APOOL: variants seen among roughly 807,000 people sequenced by gnomAD.
The protein encoded by APOOL is MICOS complex subunit MIC27.
In APOOL, 12 loss-of-function variants were observed where a neutral mutation model predicts 23.1. That is an observed-to-expected ratio of 0.52 (90% CI 0.33 to 0.84). APOOL has a LOEUF of 0.84. Ranked by LOEUF, APOOL falls within the 40% of genes least tolerant of loss-of-function variation. The probability of loss-of-function intolerance (pLI) is 0.02; values close to 1 mark genes in which losing one functional copy is unlikely to be tolerated. For missense variants in APOOL, 212 were observed against 199.6 expected, an observed-to-expected ratio of 1.06 and a Z score of -0.37; for synonymous variants, 77 against 69.9, an observed-to-expected ratio of 1.10 and a Z score of -0.51.
intron 1 of APOOL, among the ~76,000 whole-genome samples, chrX:85,029,586 A>G (rs1921962872): frequency 8.9e-6 from 1 of 111,759 alleles, no homozygotes; most frequent in Admixed American, 9.5e-5. Context: ...TTCTCGTCAC[A>G]GTGAACATCA....
intron 5 of APOOL, among the ~76,000 whole-genome samples, chrX:85,059,634 A>G (rs1251459961): frequency 1.8e-5 from 2 of 109,626 alleles, no homozygotes; most frequent in African/African-American, 3.3e-5. Context: ...GCCAGTGATG[A>G]TGAGCATTTT....
rs750640452 is a variant in APOOL at position 85,074,018 on chromosome X, T to C, written c.507T>C (p.Tyr169=). Residue 169 remains tyrosine (Y), a synonymous_variant, in exon 7 of 9, where the codon TAT becomes TAC. Transcript: ENST00000373173. ...IIAKVTAKKV[Y]ATSQQIFGAV... ...ATTAGGTAACAGCAAAAAAGGTATA[T>C]GCTACAAGCCAGCAAATTTTTGGAG... The C allele has an allele frequency of 1.2e-4, 141 of 1,163,083 alleles. No individual in the cohort carries two copies. The South Asian group carries it at 2.6e-3, about 22-fold the overall frequency.
intron 1 of APOOL, among the ~76,000 whole-genome samples, chrX:85,016,662 C>T (rs368049717): frequency 9.9e-4 from 110 of 110,875 alleles, no homozygotes; most frequent in African/African-American, 3.6e-3. Context: ...AGTGGAGTGC[C>T]GGGGGGTACA....
In APOOL at chrX:85,054,367, T is replaced by C. The variant is rs1183735415; in HGVS notation, c.264T>C (p.Asn88=). ...WCKGVYVFVK[N]GIMDTVQFGK... is the part of the protein sequence containing the mutation. ...AGGGTGTTTATGTCTTTGTGAAAAATGGGATAATGGATACAGTACAATTTG... is the reference window on the plus strand; with the variant it reads ...AGGGTGTTTATGTCTTTGTGAAAAACGGGATAATGGATACAGTACAATTTG... The change falls in exon 4 of 9, where the codon AAT becomes AAC. Residue 88 remains asparagine (N), a synonymous_variant. Coordinates refer to ENST00000373173, the MANE Select transcript of APOOL (RefSeq NM_198450.6). 3 of 1,190,013 alleles carry C rather than the reference T, an allele frequency of 2.5e-6. No homozygotes were observed. Among genetic ancestry groups the C allele is most frequent in the Non-Finnish European group, 3.4e-6 (3 of 884,436 alleles).
intron 5 of APOOL, among the ~76,000 whole-genome samples, chrX:85,059,034 C>T: frequency 1.3e-5 from 1 of 75,906 alleles, no homozygotes; most frequent in South Asian, 1.1e-3. Context: ...CCCCGCCCCC[C>T]ACCCCACAAC....
intron 5 of APOOL, among the ~76,000 whole-genome samples, chrX:85,059,887 T>G (rs2147652528): frequency 9.1e-6 from 1 of 110,102 alleles, no homozygotes. Flanking sequence ...TTTAATTAGA[T>G]CCCATTTGTC....
At chrX:85,037,252 C>T (rs1922246276) in intron 1 of APOOL, among the ~76,000 whole-genome samples, 1 of 111,713 alleles carries the variant, frequency 9.0e-6, no homozygotes, top group Non-Finnish European at 1.9e-5. Context: ...ACCCAAATCT[C>T]ATCTTGAATT....
At chrX:85,036,037 G>A (rs1190062225) in intron 1 of APOOL, among the ~76,000 whole-genome samples, 1 of 112,236 alleles carries the variant, frequency 8.9e-6, no homozygotes, top group East Asian at 2.8e-4. Context: ...AGTTTGATAG[G>A]AATAACTTGA....
chrX:85,033,232 A>G (rs772100817), intron 1 of APOOL, among the ~76,000 whole-genome samples: 19 of 112,041 alleles, frequency 1.7e-4, no homozygotes, highest in African/African-American at 6.2e-4. Flanking sequence ...CTTGTATCCA[A>G]ATACTTTCTG....
Position 85,074,141 on chromosome X carries a change from C to T in APOOL, c.600+30C>T, listed in dbSNP as rs755703459. 8.7e-6 allele frequency: 10 copies of T among 1,147,940 alleles called. No individual in the cohort carries two copies. The African/African-American group carries it at 1.8e-4, about 21-fold the overall frequency. The allele number at this position is 1,147,940 out of a possible 1,213,427, so 94.6% of individuals were successfully genotyped here. On this transcript the variant is annotated intron_variant, in intron 7 of 8. Transcript: ENST00000373173. Reference sequence around the variant, plus strand: ...AGTTTACATGGAGCAAGACGGTCAACATTGAGTTTTGTTTGGGTGGGTGTT... The same window carrying T: ...AGTTTACATGGAGCAAGACGGTCAATATTGAGTTTTGTTTGGGTGGGTGTT...
intron 5 of APOOL, 128 bp downstream of exon 5, chrX:85,056,053 T>A (rs753932303): frequency 7.9e-5 from 35 of 440,700 alleles, no homozygotes; most frequent in Middle Eastern, 8.5e-4. Context: ...ATTTTTAGAT[T>A]CTGTATTACA....
At chrX:85,004,771 C>T (rs73627314) in intron 1 of APOOL, among the ~76,000 whole-genome samples, 1,909 of 111,570 alleles carry the variant, frequency 0.017, 35 homozygotes, top group African/African-American at 0.059. Flanking sequence ...TGCCAGAGTA[C>T]ATCTACCAAA....
intron 1 of APOOL, 53 bp from the exon 2 acceptor site, chrX:85,046,393 G>T: frequency 1.0e-6 from 1 of 994,653 alleles, no homozygotes; most frequent in Non-Finnish European, 1.4e-6. Context: ...ATTAGGAAAT[G>T]GAAGATGGAA....
intron 2 of APOOL, 39 bp downstream of exon 2, chrX:85,046,589 T>A: frequency 9.7e-7 from 1 of 1,034,945 alleles, no homozygotes; most frequent in Non-Finnish European, 1.3e-6. Flanking sequence ...TTGTATAATA[T>A]CAAGATGACA....
chrX:85,065,546 C>A (rs186126460), intron 5 of APOOL, among the ~76,000 whole-genome samples: 13 of 110,737 alleles, frequency 1.2e-4, no homozygotes, highest in African/African-American at 3.9e-4. Flanking sequence ...TAGTGCACAG[C>A]GCAGGCGTGG....
At chrX:85,021,168 C>A (rs1921651208) in intron 1 of APOOL, among the ~76,000 whole-genome samples, 1 of 108,671 alleles carries the variant, frequency 9.2e-6, no homozygotes, top group Non-Finnish European at 1.9e-5. Flanking sequence ...GGGTCCAGGC[C>A]TGTCCCAGTA....
chrX:85,053,198 G>T (rs1277430649), intron 3 of APOOL, among the ~76,000 whole-genome samples: 1 of 111,332 alleles, frequency 9.0e-6, no homozygotes, highest in Non-Finnish European at 1.9e-5. Context: ...CCTTAGCAGA[G>T]CTAAGAAAAA....
chrX:85,033,832 C>A (rs1441302868), intron 1 of APOOL, among the ~76,000 whole-genome samples: 1 of 111,762 alleles, frequency 8.9e-6, no homozygotes, highest in Non-Finnish European at 1.9e-5. Flanking sequence ...AGCTTTGTTG[C>A]TGGTTCTTTT....
intron 6 of APOOL, among the ~76,000 whole-genome samples, chrX:85,068,665 C>T (rs1208158637): frequency 9.0e-6 from 1 of 111,148 alleles, no homozygotes; most frequent in Middle Eastern, 4.6e-3. Flanking sequence ...CTCGGCCTCC[C>T]AAAGTGCTGG....
Sources: allele counts gnomAD v4.1 joint callset (sites outside exome capture counted in the v4.1 genomes callset), GRCh38; gene constraint gnomAD v4.1.1; transcripts MANE v1.5; gene names NCBI Gene and HGNC (gene_info 2026-07-23, HGNC 2026-07-21).